The following UBE2H variants were observed in gnomAD, a reference collection of about 807,000 sequenced individuals.
The protein encoded by UBE2H is ubiquitin conjugating enzyme E2 H.
UBE2H carries 3 observed loss-of-function variants against 29.0 expected under a neutral mutation model. The ratio of observed to expected loss-of-function variants is 0.10; its 90% CI spans 0.05 to 0.27. The LOEUF is 0.27. Among genes scored for constraint, UBE2H ranks in the 10% least tolerant of loss-of-function variants. UBE2H has a pLI of 1.00. For synonymous variants in UBE2H, 69 were observed against 82.9 expected, an observed-to-expected ratio of 0.83 and a Z score of 0.91; for missense variants, 68 against 228.2, an observed-to-expected ratio of 0.30 and a Z score of 4.52.
At chr7:129,864,260 G>A (rs879322731) in intron 3 of UBE2H, among the ~76,000 whole-genome samples, 2 of 152,198 alleles carry the variant, frequency 1.3e-5, no homozygotes, top group African/African-American at 2.4e-5. Flanking sequence ...GGGGGAGACA[G>A]AGAAAGAACG....
At chr7:129,861,586 G>T (rs9656387) in intron 3 of UBE2H, among the ~76,000 whole-genome samples, 36,792 of 152,000 alleles carry the variant, frequency 0.24, 4,601 homozygotes, top group African/African-American at 0.27. Context: ...AAAAAACTCC[G>T]AAATAAAAAG....
intron 1 of UBE2H, among the ~76,000 whole-genome samples, chr7:129,902,840 C>T (rs1806743939): frequency 6.6e-6 from 1 of 152,224 alleles, no homozygotes; most frequent in African/African-American, 2.4e-5. Context: ...TGAGGATTAA[C>T]AGGTGCCAAA....
At position 129,834,880 on chromosome 7, in the gene UBE2H, G is replaced by A. The variant is rs759110897; in HGVS notation, c.*57C>T. 103 of 1,601,836 alleles carry A rather than the reference G, an allele frequency of 6.4e-5. No individual in the cohort carries two copies. The highest frequency in any genetic ancestry group is 2.1e-4 in the Admixed American group (12 of 58,000). On this transcript the variant is annotated 3_prime_UTR_variant, in exon 7 of 7. Transcript: ENST00000355621. ...GCTTTGTTTAAATATGAATATTATAGTCTGCTTCTCATGGTTAGGAAATAA... is the reference window on the plus strand; with the variant it reads ...GCTTTGTTTAAATATGAATATTATAATCTGCTTCTCATGGTTAGGAAATAA...
intron 1 of UBE2H, among the ~76,000 whole-genome samples, chr7:129,907,538 A>G (rs540445031): frequency 5.9e-5 from 9 of 152,294 alleles, no homozygotes; most frequent in Admixed American, 2.6e-4. Flanking sequence ...TAAGTAGACA[A>G]AAAGCAAGAC....
At chr7:129,890,815 C>G (rs1177177169) in intron 1 of UBE2H, among the ~76,000 whole-genome samples, 1 of 152,092 alleles carries the variant, frequency 6.6e-6, no homozygotes, top group African/African-American at 2.4e-5. Flanking sequence ...ATATTATAAA[C>G]AGCTGGAAAA....
chr7:129,861,268 A>C (rs1332962789), intron 3 of UBE2H, among the ~76,000 whole-genome samples: 3 of 152,166 alleles, frequency 2.0e-5, no homozygotes, highest in African/African-American at 4.8e-5. Flanking sequence ...TCCTTTTAAA[A>C]AGGGACAATG....
At position 129,839,140 on chromosome 7, in the gene UBE2H, T is replaced by G. The variant is rs1327753443; in HGVS notation, c.427+67A>C. Reference sequence around the variant, plus strand: ...AGGAACTAAGTAATTTAAGAAGGACTTTTAATGACTGAAGCCCAACAGATT... The same window carrying G: ...AGGAACTAAGTAATTTAAGAAGGACGTTTAATGACTGAAGCCCAACAGATT... On this transcript the variant is annotated intron_variant, in intron 6 of 6. Transcript: ENST00000355621. 10 of 1,573,456 alleles carry G rather than the reference T, an allele frequency of 6.4e-6. No homozygotes were observed. In the East Asian group the frequency reaches 1.6e-4, roughly 25 times the overall value.
chr7:129,928,363 G>A (rs781278520), intron 1 of UBE2H, among the ~76,000 whole-genome samples: 21 of 152,176 alleles, frequency 1.4e-4, no homozygotes, highest in Non-Finnish European at 2.8e-4. Flanking sequence ...AGCACTTTGG[G>A]AGGCCAAGGC....
intron 3 of UBE2H, among the ~76,000 whole-genome samples, chr7:129,867,724 C>T (rs368788942): frequency 3.2e-5 from 1 of 31,192 alleles, no homozygotes; most frequent in South Asian, 1.4e-3. Context: ...AAAAGAAAAC[C>T]AAAAAAAAAA....
intron 1 of UBE2H, among the ~76,000 whole-genome samples, chr7:129,933,877 T>A (rs942078848): frequency 6.6e-6 from 1 of 152,174 alleles, no homozygotes; most frequent in Non-Finnish European, 1.5e-5. Flanking sequence ...TAGCCCCAGA[T>A]CCACTGTGAT....
chr7:129,834,988 C>T lies in UBE2H; in HGVS notation c.501G>A (p.Glu167=), dbSNP rs61734603. Residue 167 remains glutamate, a synonymous_variant, in exon 7 of 7, where the codon GAG becomes GAA. Coordinates refer to ENST00000355621, the MANE Select transcript of UBE2H (RefSeq NM_003344.4). ...QEEGTGDSSS[E]SSMSDFSEDE... ...CTTCGGAAAAGTCAGACATAGAGCT[C>T]TCCGATGAGCTGTCCCCGGTACCCT... 33,066 of 1,614,016 alleles carry T rather than the reference C, an allele frequency of 0.02. 412 individuals are homozygous for T. The highest frequency in any genetic ancestry group is 0.024 in the Non-Finnish European group (28,529 of 1,180,026).
chr7:129,927,269 C>T (rs537218410), intron 1 of UBE2H, among the ~76,000 whole-genome samples: 3 of 152,044 alleles, frequency 2.0e-5, no homozygotes, highest in Non-Finnish European at 4.4e-5. Flanking sequence ...TCGCCAGGTG[C>T]GGTGGCTCAT....
chr7:129,896,498 C>T (rs1806604285), intron 1 of UBE2H, among the ~76,000 whole-genome samples: 1 of 152,074 alleles, frequency 6.6e-6, no homozygotes, highest in African/African-American at 2.4e-5. Flanking sequence ...TCGACCCTCC[C>T]AGGTTCAAAT....
intron 1 of UBE2H, among the ~76,000 whole-genome samples, chr7:129,946,555 G>C (rs1051852601): frequency 2.0e-5 from 3 of 152,258 alleles, no homozygotes; most frequent in Middle Eastern, 3.4e-3. Flanking sequence ...CATCATCTGC[G>C]AACTTCTTAG....
chr7:129,945,510 AAACAC>A (rs916592033), intron 1 of UBE2H, among the ~76,000 whole-genome samples: 37 of 152,304 alleles, frequency 2.4e-4, no homozygotes, highest in Admixed American at 4.6e-4. Context: ...ATACCAACTA[AAACAC>A]AACACAACAA....
chr7:129,904,639 T>C (rs943610155), intron 1 of UBE2H, among the ~76,000 whole-genome samples: 2 of 152,226 alleles, frequency 1.3e-5, no homozygotes, highest in African/African-American at 4.8e-5. Context: ...TCCTGACATG[T>C]AGCTGAGTGA....
chr7:129,891,310 T>C (rs1806483102), intron 1 of UBE2H, among the ~76,000 whole-genome samples: 1 of 151,920 alleles, frequency 6.6e-6, no homozygotes, highest in African/African-American at 2.4e-5. Context: ...CTCAACCTCC[T>C]ATATAGCTGG....
intron 1 of UBE2H, among the ~76,000 whole-genome samples, chr7:129,922,902 CT>C (rs764774966): frequency 6.6e-6 from 1 of 151,472 alleles, no homozygotes; most frequent in Non-Finnish European, 1.5e-5. Flanking sequence ...TGAGATTTTT[CT>C]TTTTTTTCTT....
At chr7:129,885,123 G>C (rs748246041) in intron 1 of UBE2H, among the ~76,000 whole-genome samples, 3 of 151,638 alleles carry the variant, frequency 2.0e-5, no homozygotes, top group Non-Finnish European at 2.9e-5. Context: ...AGTGTGTACT[G>C]GTGTCCTCTT....
Sources: allele counts gnomAD v4.1 joint callset (sites outside exome capture counted in the v4.1 genomes callset), GRCh38; gene constraint gnomAD v4.1.1; transcripts MANE v1.5; gene names NCBI Gene and HGNC (gene_info 2026-07-23, HGNC 2026-07-21).